The following ABHD5 variants were observed in gnomAD, a reference collection of about 807,000 sequenced individuals.
ABHD5 encodes the protein abhydrolase domain containing 5, lysophosphatidic acid acyltransferase, also known as 1-acylglycerol-3-phosphate O-acyltransferase ABHD5.
ABHD5 carries 30 observed loss-of-function variants against 44.9 expected under a neutral mutation model. The ratio of observed to expected loss-of-function variants is 0.67; its 90% CI spans 0.50 to 0.91. ABHD5 has a LOEUF of 0.91. Among genes scored for constraint, ABHD5 ranks in the 40% least tolerant of loss-of-function variants. ABHD5 has a pLI of 0.00. For synonymous variants in ABHD5, 167 were observed against 147.0 expected (o/e 1.14, Z -0.99); for missense variants, 399 against 423.4 (o/e 0.94, Z 0.50).
chr3:43,694,311 G>C (rs1258820785), intron 1 of ABHD5, among the ~76,000 whole-genome samples: 1 of 150,440 alleles, frequency 6.6e-6, no homozygotes, highest in Non-Finnish European at 1.5e-5. Context: ...CATTATATTG[G>C]CTTAATCATT....
At chr3:43,691,170 C>T (rs2084370649) in intron 1 of ABHD5, 131 bp downstream of exon 1, 12 of 915,682 alleles carry the variant, frequency 1.3e-5, no homozygotes, top group Admixed American at 4.3e-5. Context: ...CCTCGACCCT[C>T]CCCGGCATGA....
At chr3:43,699,251 T>C in intron 1 of ABHD5, 25 bp from the exon 2 acceptor site, 1 of 1,595,708 alleles carries the variant, frequency 6.3e-7, no homozygotes, top group Non-Finnish European at 8.6e-7. Context: ...CTCACCTATT[T>C]GTTATTTTGT....
chr3:43,716,259 G>T (rs1433168608), intron 5 of ABHD5, among the ~76,000 whole-genome samples: 1 of 152,062 alleles, frequency 6.6e-6, no homozygotes, highest in Non-Finnish European at 1.5e-5. Flanking sequence ...AATTATTGGG[G>T]GTGCTTGTTG....
intron 7 of ABHD5, among the ~76,000 whole-genome samples, chr3:43,731,485 A>G (rs950093018): frequency 6.6e-6 from 1 of 152,198 alleles, no homozygotes; most frequent in African/African-American, 2.4e-5. Context: ...CACTGCATAC[A>G]TAATTTTGGG....
At chr3:43,727,506 A>T (rs2084885555), downstream of ABHD5, among the ~76,000 whole-genome samples, 1 of 152,234 alleles carries the variant, frequency 6.6e-6, no homozygotes, top group Non-Finnish European at 1.5e-5. Context: ...TTCTGTGGCC[A>T]CATCTAGCAA....
chr3:43,717,897 A>AG lies in ABHD5; in HGVS notation c.960+42dup, dbSNP rs765971738. 2.5e-6 allele frequency: 4 copies of AG among 1,612,600 alleles called. No individual in the cohort carries two copies. The African/African-American group carries it at 5.3e-5, about 22-fold the overall frequency. ...TGATTTGGGTTTTTAGGTATAGGTGAGGTCCGTTTTATTATCTCCCTTAAA... is the reference window on the plus strand; with the variant it reads ...TGATTTGGGTTTTTAGGTATAGGTGAGGGTCCGTTTTATTATCTCCCTTAAA... On this transcript the variant is annotated intron_variant, in intron 6 of 6. Coordinates refer to ENST00000644371, the MANE Select transcript of ABHD5 (RefSeq NM_016006.6).
At chr3:43,694,850 C>G (rs1432989778) in intron 1 of ABHD5, 1 of 152,062 alleles carries the variant, frequency 6.6e-6, no homozygotes, top group African/African-American at 2.4e-5. Context: ...ATGTTAGTCA[C>G]TTAAATTGTA....
intron 7 of ABHD5, among the ~76,000 whole-genome samples, chr3:43,727,920 A>C (rs867782735): frequency 6.6e-6 from 1 of 152,198 alleles, no homozygotes. Context: ...TATTTGTACT[A>C]CTTTTAAAGA....
intron 3 of ABHD5, among the ~76,000 whole-genome samples, chr3:43,708,332 T>G (rs1319116059): frequency 6.6e-6 from 1 of 152,198 alleles, no homozygotes; most frequent in African/African-American, 2.4e-5. Flanking sequence ...GGGAACCCTC[T>G]CTGGAATATT....
intron 2 of ABHD5, chr3:43,701,859 A>G (rs1268274804): frequency 2.3e-5 from 4 of 176,816 alleles, no homozygotes; most frequent in Non-Finnish European, 4.8e-5. Context: ...CTGCAAAGCT[A>G]GAGACCTTAA....
At chr3:43,724,528 A>G (rs1470908065), downstream of ABHD5, among the ~76,000 whole-genome samples, 1 of 152,220 alleles carries the variant, frequency 6.6e-6, no homozygotes, top group Non-Finnish European at 1.5e-5. Context: ...TCATTGCAAT[A>G]TGGTAATATT....
rs1477129343 is a variant in ABHD5, at chr3:43,720,776, G to A, written c.*2244G>A. 3 of 152,176 alleles carry A rather than the reference G, an allele frequency of 2.0e-5. No homozygotes were observed. Among genetic ancestry groups the A allele is most frequent in the Non-Finnish European group, 4.4e-5 (3 of 68,042 alleles). 9.4% of individuals were successfully genotyped at this position (152,176 alleles called of 1,614,324 possible). On this transcript the variant is annotated 3_prime_UTR_variant, in exon 7 of 7. Coordinates refer to ENST00000644371, the MANE Select transcript of ABHD5 (RefSeq NM_016006.6). ...AGTTAACTACAGGACTGTGGATCCA[G>A]CAAATGTTCAGTAAATGCTGCTGTT... is the stretch of plus-strand genomic sequence containing the variant.
intron 1 of ABHD5, among the ~76,000 whole-genome samples, chr3:43,695,789 C>CT: frequency 6.6e-6 from 1 of 152,244 alleles, no homozygotes; most frequent in East Asian, 1.9e-4. Flanking sequence ...AAAGTGGTGT[C>CT]TATCTCTCAC....
intron 3 of ABHD5, among the ~76,000 whole-genome samples, chr3:43,710,592 A>G (rs905941977): frequency 5.3e-5 from 8 of 152,356 alleles, no homozygotes; most frequent in Admixed American, 3.3e-4. Context: ...GTCTGGAAAG[A>G]AAACAGTCAC....
rs560379442 is a variant in ABHD5 at position 43,696,208 on chromosome 3, G to A, written c.48-3068G>A. On this transcript the variant is annotated intron_variant, in intron 1 of 6. Coordinates refer to ENST00000644371, the MANE Select transcript of ABHD5 (RefSeq NM_016006.6). ...ACACTTTGGTCACTGTTGAATTTAG[G>A]CCTCAGTGATGGATGATAGTGTTTA... is the stretch of plus-strand genomic sequence containing the variant. Among the ~76,000 whole-genome samples the A allele has an allele frequency of 4.6e-5, 7 of 152,262 alleles. No individual in the cohort carries two copies. The South Asian group carries it at 6.2e-4, about 14-fold the overall frequency.
Position 43,711,717 on chromosome 3 carries a change from A to C in ABHD5, c.515A>C (p.His172Pro). ...YSLKYPSRVN[H>P]LILVEPWGFP... The stretch of plus-strand genomic sequence containing the variant: ...ATTCTTTCCCCCAACAGGGTTAATC[A>C]TCTCATTTTAGTGGAGCCTTGGGGT... The change falls in exon 4 of 7, where the codon CAT (histidine) becomes CCT (proline). Residue 172 changes from histidine to proline, a missense_variant. Coordinates refer to ENST00000644371, the MANE Select transcript of ABHD5 (RefSeq NM_016006.6). 1.9e-6 allele frequency: 3 copies of C among 1,614,158 alleles called. No individual in the cohort carries two copies. The highest frequency in any genetic ancestry group is 2.5e-6 in the Non-Finnish European group (3 of 1,180,006).
downstream of ABHD5, among the ~76,000 whole-genome samples, chr3:43,727,424 A>G (rs1466843083): frequency 6.6e-6 from 1 of 152,196 alleles, no homozygotes; most frequent in Admixed American, 6.5e-5. Context: ...GTGTCCCTCA[A>G]GACTTGGCTA....
At chr3:43,726,354 C>T (rs1054871861), downstream of ABHD5, among the ~76,000 whole-genome samples, 11 of 152,122 alleles carry the variant, frequency 7.2e-5, no homozygotes, top group African/African-American at 2.7e-4. Flanking sequence ...CTGTTCAAGA[C>T]TTGAAAATGC....
downstream of ABHD5, among the ~76,000 whole-genome samples, chr3:43,723,366 G>T (rs879637689): frequency 1.3e-5 from 2 of 152,172 alleles, no homozygotes; most frequent in African/African-American, 2.4e-5. Flanking sequence ...AGAGGAATAA[G>T]ATTAGGAAAT....
Sources: allele counts gnomAD v4.1 joint callset (sites outside exome capture counted in the v4.1 genomes callset), GRCh38; gene constraint gnomAD v4.1.1; transcripts MANE v1.5; gene names NCBI Gene and HGNC (gene_info 2026-07-23, HGNC 2026-07-21).